Variants in FOXL2 observed in about 807,000 individuals in gnomAD.
FOXL2 encodes the protein forkhead box protein L2.
Under a neutral mutation model 2.5 loss-of-function variants are expected in FOXL2, and 3 were observed. The ratio of observed to expected loss-of-function variants is 1.20; its 90% CI spans 0.55 to 3.11. The LOEUF is 3.11. Ranked by LOEUF, FOXL2 falls within the 30% of genes most tolerant of loss-of-function variation. FOXL2 has a pLI of 0.03. For synonymous variants in FOXL2, 315 were observed against 269.4 expected (o/e 1.17, Z -1.66); for missense variants, 512 against 570.0 (o/e 0.90, Z 1.04).
At position 138,946,315 on chromosome 3, in the gene FOXL2, G is replaced by A. The variant is rs374360876; in HGVS notation, c.408C>T (p.Asp136=). ...GCCGGTAGTTGCCCTTCTCGAACATGTCTTCGCAGGCCGGGTCCAGCGTCC... is the reference window on the plus strand; with the variant it reads ...GCCGGTAGTTGCCCTTCTCGAACATATCTTCGCAGGCCGGGTCCAGCGTCC... ...NYWTLDPACE[D]MFEKGNYRRR... Residue 136 remains aspartate, a synonymous_variant, in exon 1 of 1, where the codon GAC becomes GAT. Coordinates refer to ENST00000648323, the MANE Select transcript of FOXL2 (RefSeq NM_023067.4). The A allele has an allele frequency of 1.2e-5, 19 of 1,613,566 alleles. No homozygotes were observed. The African/African-American group carries it at 1.7e-4, about 15-fold the overall frequency.
chr3:138,944,823 TTA>T lies in FOXL2; in HGVS notation c.*767_*768del. 8.6e-6 allele frequency: 2 copies of T among 232,934 alleles called. No homozygotes were observed. Among genetic ancestry groups the T allele is most frequent in the East Asian group, 6.0e-5 (1 of 16,564 alleles). The allele number at this position is 232,934 out of a possible 1,614,324, so 14.4% of individuals were successfully genotyped here. ...TGAATTTTTTTTCCTTTTTTTTTTT[TTA>T]AATACTCTCTTAAAAAGTTCCACCG... On this transcript the variant is annotated 3_prime_UTR_variant, in exon 1 of 1. Transcript: ENST00000648323.
Position 138,945,576 on chromosome 3 carries a change from G to C in FOXL2, c.*16C>G, listed in dbSNP as rs762929517. On this transcript the variant is annotated 3_prime_UTR_variant, in exon 1 of 1. Transcript: ENST00000648323. Reference sequence around the variant, plus strand: ...CTGCATCCTCGCATCCGTCTGCACCGGCATGCGGTGGGCTCTCAGAGATCG... The same window carrying C: ...CTGCATCCTCGCATCCGTCTGCACCCGCATGCGGTGGGCTCTCAGAGATCG... 2.5e-6 allele frequency: 4 copies of C among 1,606,744 alleles called. No individual in the cohort carries two copies. Among genetic ancestry groups the C allele is most frequent in the Non-Finnish European group, 3.4e-6 (4 of 1,176,180 alleles).
rs2107742210 is a variant in FOXL2 at position 138,944,532 on chromosome 3, G to A, written c.*1060C>T. On this transcript the variant is annotated 3_prime_UTR_variant, in exon 1 of 1. Transcript: ENST00000648323. The stretch of plus-strand genomic sequence containing the variant: ...GGGCCAGGCAGGCAGTGATCTCCCT[G>A]CCTCCAGGACTTGCATCGAAAGATC... 4.3e-6 allele frequency: 1 copy of A among 233,160 alleles called. No individual in the cohort carries two copies. Among genetic ancestry groups the A allele is most frequent in the East Asian group, 6.0e-5 (1 of 16,536 alleles). The allele number at this position is 233,160 out of a possible 1,614,324, so 14.4% of individuals were successfully genotyped here.
Position 138,946,030 on chromosome 3 carries a change from AGCCGCAGCT to A in FOXL2, c.684_692del (p.Ala232_Ala234del), listed in dbSNP as rs1301459511. The A allele has an allele frequency of 2.9e-6, 4 of 1,390,140 alleles. No individual in the cohort carries two copies. In the African/African-American group the frequency reaches 4.6e-5, roughly 16 times the overall value. The allele number at this position is 1,390,140 out of a possible 1,614,324, so 86.1% of individuals were successfully genotyped here. ...CAGGGCTACCGGGGCCCGCGGCTGCAGCCGCAGCTGCTGCAGCCGCTGCGGCTGCCGCCA... is the reference window on the plus strand; with the variant it reads ...CAGGGCTACCGGGGCCCGCGGCTGCAGCTGCAGCCGCTGCGGCTGCCGCCA... On this transcript the variant is annotated inframe_deletion, in exon 1 of 1. Transcript: ENST00000648323.
Position 138,945,235 on chromosome 3 carries a change from G to GAATGAGGACGTGTAGAT in FOXL2, c.*356_*357insATCTACACGTCCTCATT. 1.2e-5 allele frequency: 3 copies of GAATGAGGACGTGTAGAT among 253,836 alleles called. No individual in the cohort carries two copies. Among genetic ancestry groups the GAATGAGGACGTGTAGAT allele is most frequent in the South Asian group, 1.3e-4 (1 of 7,460 alleles). The allele number at this position is 253,836 out of a possible 1,614,324, so 15.7% of individuals were successfully genotyped here. ...AGGCCAAGAGGTCTGCGCTGCCGAC[G>GAATGAGGACGTGTAGAT]CCCGGTCGCACCTCCGCCCCGGGCC... is the stretch of plus-strand genomic sequence containing the variant. On this transcript the variant is annotated 3_prime_UTR_variant, in exon 1 of 1. Transcript: ENST00000648323.
chr3:138,945,262 TTTC>T lies in FOXL2; in HGVS notation c.*327_*329del. 7.9e-6 allele frequency: 2 copies of T among 254,390 alleles called. No individual in the cohort carries two copies. The highest frequency in any genetic ancestry group is 7.5e-6 in the Non-Finnish European group (1 of 132,648). 15.8% of individuals were successfully genotyped at this position (254,390 alleles called of 1,614,324 possible). ...CCGGTCGCACCTCCGCCCCGGGCCC[TTTC>T]CGCGGTGAATTTGGGCAGGAGACGC... On this transcript the variant is annotated 3_prime_UTR_variant, in exon 1 of 1. Coordinates refer to ENST00000648323, the MANE Select transcript of FOXL2 (RefSeq NM_023067.4).
In FOXL2 at chr3:138,945,640, C is replaced by T; in HGVS notation, c.1083G>A (p.Trp361Ter). ...PELAMMHCSYWDHDSKTGALH... is the reference protein window; with the variant it reads ...PELAMMHCSY ...GCGCGCCGGTCTTGCTGTCGTGGTC[C>T]CAGTAAGAGCAATGCATCATGGCGA... Residue 361 changes from tryptophan (W) to a stop codon, truncating the protein, a stop_gained, in exon 1 of 1, where the codon TGG (tryptophan) becomes TGA (stop). Transcript: ENST00000648323. LOFTEE classifies it high-confidence loss of function. 1 of 1,609,986 alleles carries T rather than the reference C, an allele frequency of 6.2e-7. No individual in the cohort carries two copies. Among genetic ancestry groups the T allele is most frequent in the East Asian group, 2.2e-5 (1 of 44,764 alleles).
rs1333045887 is a variant in FOXL2 at position 138,946,984 on chromosome 3, GC to G, written c.-263del. 9 of 552,508 alleles carry G rather than the reference GC, an allele frequency of 1.6e-5. No homozygotes were observed. The highest frequency in any genetic ancestry group is 2.5e-5 in the Non-Finnish European group (8 of 314,372). The allele number at this position is 552,508 out of a possible 1,614,324, so 34.2% of individuals were successfully genotyped here. A position where few individuals can be genotyped will look rare whatever the true frequency, so the allele number is the denominator to read the frequency against. On this transcript the variant is annotated 5_prime_UTR_variant, in exon 1 of 1. Transcript: ENST00000648323. ...AACAGAGAGGGGCTCCGGCCTCGCC[GC>G]CCCTCCCCGCTCAGGCCAGTCCCCG... is the stretch of plus-strand genomic sequence containing the variant.
In FOXL2 at chr3:138,945,932, A is replaced by C. The variant is rs757195166; in HGVS notation, c.791T>G (p.Met264Arg). ...SYGPYTRVQS[M>R]ALPPGVVNSY... ...GTTCACTACGCCGGGGGGCAGCGCC[A>C]TGCTCTGCACGCGTGTGTACGGCCC... The change falls in exon 1 of 1, where the codon ATG (methionine) becomes AGG (arginine). Residue 264 changes from methionine to arginine, a missense_variant. By Grantham distance (91) the Met-to-Arg change is moderately conservative (BLOSUM62 -1). This residue lies in a region of FOXL2 where 287 missense variants were observed against 277.4 expected (regional missense o/e 1.03). Coordinates refer to ENST00000648323, the MANE Select transcript of FOXL2 (RefSeq NM_023067.4). The C allele has an allele frequency of 7.3e-7, 1 of 1,369,082 alleles. No homozygotes were observed. The highest frequency in any genetic ancestry group is 1.5e-5 in the African/African-American group (1 of 66,030). 84.8% of individuals were successfully genotyped at this position (1,369,082 alleles called of 1,614,324 possible).
In FOXL2 at chr3:138,945,787, G is replaced by A; in HGVS notation, c.936C>T (p.His312=). 3 of 1,169,036 alleles carry A rather than the reference G, an allele frequency of 2.6e-6. No homozygotes were observed. The highest frequency in any genetic ancestry group is 3.2e-6 in the Non-Finnish European group (3 of 946,376). 72.4% of individuals were successfully genotyped at this position (1,169,036 alleles called of 1,614,324 possible). A position where few individuals can be genotyped will look rare whatever the true frequency, so the allele number is the denominator to read the frequency against. ...GGCCCGGCGGCGGCGCGGCGGCCCC[G>A]TGGTGCGGTGGGGCAGGCGGCGGTG... The part of the protein sequence containing the change: ...AAAPPPAPPH[H]GAAAPPPGQL... Residue 312 remains histidine, a synonymous_variant, in exon 1 of 1, where the codon CAC becomes CAT. Transcript: ENST00000648323.
chr3:138,946,638 C>G lies in FOXL2; in HGVS notation c.85G>C (p.Gly29Arg), dbSNP rs748930135. The G allele has an allele frequency of 1.3e-6, 2 of 1,591,280 alleles. No homozygotes were observed. The highest frequency in any genetic ancestry group is 8.5e-7 in the Non-Finnish European group (1 of 1,172,360). The change falls in exon 1 of 1, where the codon GGG becomes CGG. Residue 29 changes from glycine to arginine, a missense_variant. Physicochemically the swap from Gly to Arg is moderately radical, Grantham distance 125. This residue lies in a region of FOXL2 where 92 missense variants were observed against 77.8 expected (regional missense o/e 1.18). Coordinates refer to ENST00000648323, the MANE Select transcript of FOXL2 (RefSeq NM_023067.4). Reference protein sequence around the residue: ...ETGRTVKEPEGPPPSPGKGGG... With the variant: ...ETGRTVKEPERPPPSPGKGGG... Reference sequence around the variant, plus strand: ...CCCTTGCCTGGGCTCGGCGGCGGCCCTTCTGGCTCCTTGACTGTGCGACCG... The same window carrying G: ...CCCTTGCCTGGGCTCGGCGGCGGCCGTTCTGGCTCCTTGACTGTGCGACCG...
rs1290054367 is a variant in FOXL2, at chr3:138,946,661, C to G, written c.62G>C (p.Gly21Ala). ...AAGALLAPET[G>A]RTVKEPEGPP... ...CCCTTCTGGCTCCTTGACTGTGCGA[C>G]CGGTCTCTGGGGCCAGCAGGGCCCC... The change falls in exon 1 of 1, where the codon GGT (glycine) becomes GCT (alanine). Residue 21 changes from glycine to alanine, a missense_variant. Transcript: ENST00000648323. 1 of 1,588,840 alleles carries G rather than the reference C, an allele frequency of 6.3e-7. No homozygotes were observed. Among genetic ancestry groups the G allele is most frequent in the Admixed American group, 1.7e-5 (1 of 57,548 alleles).
chr3:138,946,025 G>A lies in FOXL2; in HGVS notation c.698C>T (p.Ala233Val), dbSNP rs2107743675. ...CGCGCCAGGGCTACCGGGGCCCGCGGCTGCAGCCGCAGCTGCTGCAGCCGC... is the reference window on the plus strand; with the variant it reads ...CGCGCCAGGGCTACCGGGGCCCGCGACTGCAGCCGCAGCTGCTGCAGCCGC... ...AAAAAAAAAA[A>V]AGPGSPGAAA... Residue 233 changes from alanine (A) to valine (V), a missense_variant, in exon 1 of 1, where the codon GCC becomes GTC. Ala to Val is a moderately conservative substitution (Grantham distance 64, BLOSUM62 0). Around this residue, in one of 5 missense-constraint regions of FOXL2, gnomAD observed 287 missense variants for 277.4 expected, o/e 1.03. Coordinates refer to ENST00000648323, the MANE Select transcript of FOXL2 (RefSeq NM_023067.4). The A allele has an allele frequency of 7.2e-7, 1 of 1,389,848 alleles. No homozygotes were observed. Among genetic ancestry groups the A allele is most frequent in the Non-Finnish European group, 9.2e-7 (1 of 1,084,494 alleles). 86.1% of individuals were successfully genotyped at this position (1,389,848 alleles called of 1,614,324 possible).
chr3:138,946,009 G>A lies in FOXL2; in HGVS notation c.714C>T (p.Ser238=), dbSNP rs752428575. The change falls in exon 1 of 1, where the codon AGC becomes AGT. Residue 238 remains serine, a synonymous_variant. Coordinates refer to ENST00000648323, the MANE Select transcript of FOXL2 (RefSeq NM_023067.4). ...CCTTGACCACAGCGGCCGCGCCAGG[G>A]CTACCGGGGCCCGCGGCTGCAGCCG... ...AAAAAAAGPG[S]PGAAAVVKGL... is the part of the protein sequence containing the mutation. 12 of 1,394,156 alleles carry A rather than the reference G, an allele frequency of 8.6e-6. No individual in the cohort carries two copies. In the South Asian group the frequency reaches 1.9e-4, roughly 23 times the overall value. The allele number at this position is 1,394,156 out of a possible 1,614,324, so 86.4% of individuals were successfully genotyped here.
Position 138,945,274 on chromosome 3 carries a change from ATT to A in FOXL2, c.*316_*317del. On this transcript the variant is annotated 3_prime_UTR_variant, in exon 1 of 1. Coordinates refer to ENST00000648323, the MANE Select transcript of FOXL2 (RefSeq NM_023067.4). ...CCGCCCCGGGCCCTTTCCGCGGTGA[ATT>A]TGGGCAGGAGACGCTGGGGCTCCGG... The A allele has an allele frequency of 3.8e-6, 1 of 264,950 alleles. No individual in the cohort carries two copies. 16.4% of individuals were successfully genotyped at this position (264,950 alleles called of 1,614,324 possible). A position where few individuals can be genotyped will look rare whatever the true frequency, so the allele number is the denominator to read the frequency against.
rs1424225309 is a variant in FOXL2 at position 138,944,608 on chromosome 3, T to C, written c.*984A>G. ...TCTTCAGATAGGGAGAGGGTGAAAC[T>C]TCCCCAATTGGTAGACGAAACCATC... On this transcript the variant is annotated 3_prime_UTR_variant, in exon 1 of 1. Transcript: ENST00000648323. 2 of 233,172 alleles carry C rather than the reference T, an allele frequency of 8.6e-6. No homozygotes were observed. The highest frequency in any genetic ancestry group is 1.1e-4 in the Admixed American group (2 of 17,794). 14.4% of individuals were successfully genotyped at this position (233,172 alleles called of 1,614,324 possible).
Position 138,946,816 on chromosome 3 carries a change from CAA to C in FOXL2, c.-96_-95del. The C allele has an allele frequency of 6.6e-7, 1 of 1,504,180 alleles. No individual in the cohort carries two copies. The highest frequency in any genetic ancestry group is 1.3e-5 in the South Asian group (1 of 79,844). The allele number at this position is 1,504,180 out of a possible 1,614,324, so 93.2% of individuals were successfully genotyped here. ...TGGGGCGCACGAGTCCGCTTACGGCCAAGTCTCAAACTTCTGGAGACTGCGGA... is the reference window on the plus strand; with the variant it reads ...TGGGGCGCACGAGTCCGCTTACGGCCGTCTCAAACTTCTGGAGACTGCGGA... On this transcript the variant is annotated 5_prime_UTR_variant, in exon 1 of 1. Transcript: ENST00000648323.
In FOXL2 at chr3:138,946,743, G is replaced by T; in HGVS notation, c.-21C>A. 1 of 1,553,738 alleles carries T rather than the reference G, an allele frequency of 6.4e-7. No individual in the cohort carries two copies. The highest frequency in any genetic ancestry group is 1.2e-5 in the South Asian group (1 of 84,902). ...ATCATGACAAAGCCGGCGCGCCGCG[G>T]CCGGGCCGCCTCTGCTCTCCGCTCC... On this transcript the variant is annotated 5_prime_UTR_variant, in exon 1 of 1. Coordinates refer to ENST00000648323, the MANE Select transcript of FOXL2 (RefSeq NM_023067.4).
At position 138,946,609 on chromosome 3, in the gene FOXL2, A is replaced by G; in HGVS notation, c.114T>C (p.Gly38=). Residue 38 remains glycine (G), a synonymous_variant, in exon 1 of 1, where the codon GGT becomes GGC. Transcript: ENST00000648323. ...CCGGGGCTGTCCCGCCGCCACCCCCACCGCCCTTGCCTGGGCTCGGCGGCG... is the reference window on the plus strand; with the variant it reads ...CCGGGGCTGTCCCGCCGCCACCCCCGCCGCCCTTGCCTGGGCTCGGCGGCG... ...EGPPPSPGKG[G]GGGGGTAPEK... is the part of the protein sequence containing the mutation. 3 of 1,602,574 alleles carry G rather than the reference A, an allele frequency of 1.9e-6. No individual in the cohort carries two copies. The highest frequency in any genetic ancestry group is 1.7e-6 in the Non-Finnish European group (2 of 1,177,268).
Sources: allele counts gnomAD v4.1 joint callset, GRCh38; gene constraint gnomAD v4.1.1; regional missense constraint gnomAD v4.1.1; transcripts MANE v1.5; gene names NCBI Gene and HGNC (gene_info 2026-07-23, HGNC 2026-07-21).